Variants in RPL8 observed in about 807,000 individuals in gnomAD.
RPL8 encodes the protein ribosomal protein L8.
For missense variants in RPL8, 248 were observed against 365.9 expected (o/e 0.68, Z 2.63); for synonymous variants, 182 against 143.2 (o/e 1.27, Z -1.94).
chr8:144,791,217 C>G, intron 3 of RPL8, 60 bp downstream of exon 3: 1 of 1,517,450 alleles, frequency 6.6e-7, no homozygotes, highest in Non-Finnish European at 9.1e-7. Flanking sequence ...TGGCTGTCCA[C>G]CGGCACTCAC....
At position 144,791,463 on chromosome 8, in the gene RPL8, C is replaced by A. The variant is rs747506044; in HGVS notation, c.313G>T (p.Gly105Cys). Reference protein sequence around the residue: ...QLNIGNVLPVGTMPEGTIVCC... With the variant: ...QLNIGNVLPVCTMPEGTIVCC... ...ACGATTGTACCCTCAGGCATGGTGC[C>A]CACAGGGAGCACATTGCCAATGTTG... Residue 105 changes from glycine (G) to cysteine (C), a missense_variant, in exon 3 of 5, where the codon GGC (glycine) becomes TGC (cysteine). Coordinates refer to ENST00000528957, the MANE Select transcript of RPL8 (RefSeq NM_001317782.2). 1 of 1,613,860 alleles carries A rather than the reference C, an allele frequency of 6.2e-7. No homozygotes were observed. The highest frequency in any genetic ancestry group is 8.5e-7 in the Non-Finnish European group (1 of 1,180,010).
intron 3 of RPL8, chr8:144,790,927 C>T (rs75885754): frequency 2.2e-6 from 1 of 463,448 alleles, no homozygotes; most frequent in Non-Finnish European, 4.1e-6. Context: ...TTTTCACTCA[C>T]TCAGTAGGCG....
chr8:144,790,081 T>TAGACAACCCCAGTC (rs1826445611), intron 4 of RPL8, 119 bp from the exon 5 acceptor site: 2 of 1,233,022 alleles, frequency 1.6e-6, no homozygotes, highest in African/African-American at 3.0e-5. Context: ...CATGTGCCGC[T>TAGACAACCCCAGTC]AGACAACCCC....
chr8:144,790,298 C>G, intron 4 of RPL8, 57 bp downstream of exon 4: 2 of 1,425,128 alleles, frequency 1.4e-6, no homozygotes, highest in African/African-American at 1.4e-5. Flanking sequence ...ACTTGCCTAC[C>G]CAACAGTGTG....
Position 144,792,324 on chromosome 8 carries a change from G to T in RPL8, c.-195C>A. The T allele has an allele frequency of 1.2e-6, 1 of 847,736 alleles. No homozygotes were observed. The highest frequency in any genetic ancestry group is 1.6e-6 in the Non-Finnish European group (1 of 613,464). The allele number at this position is 847,736 out of a possible 1,614,324, so 52.5% of individuals were successfully genotyped here. ...AGCGCGCCTCACGGAAGAGGATGGC[G>T]GCGGATACTGCCCATGCCGCAAGGC... is the stretch of plus-strand genomic sequence containing the variant. On this transcript the variant is annotated 5_prime_UTR_variant, in exon 1 of 5. Coordinates refer to ENST00000528957, the MANE Select transcript of RPL8 (RefSeq NM_001317782.2).
intron 2 of RPL8, 82 bp from the exon 3 acceptor site, chr8:144,791,577 C>A (rs1452631956): frequency 6.6e-7 from 1 of 1,511,808 alleles, no homozygotes; most frequent in Admixed American, 1.9e-5. Flanking sequence ...CGCGAAGTTG[C>A]GAGCACAGCA....
rs368431305 is a variant in RPL8, at chr8:144,791,266, C to T, written c.499+11G>A. 1.2e-6 allele frequency: 2 copies of T among 1,610,840 alleles called. No individual in the cohort carries two copies. Among genetic ancestry groups the T allele is most frequent in the African/African-American group, 1.3e-5 (1 of 74,858 alleles). ...ACAGCCCTCAGCATTCAACTGCTGCCTGATACTCACCAACCACAGCTCTGT... is the reference window on the plus strand; with the variant it reads ...ACAGCCCTCAGCATTCAACTGCTGCTTGATACTCACCAACCACAGCTCTGT... On this transcript the variant is annotated intron_variant, in intron 3 of 4. Transcript: ENST00000528957.
At position 144,792,310 on chromosome 8, in the gene RPL8, C is replaced by T. The variant is rs180785306; in HGVS notation, c.-181G>A. ...CCGGTCCGGGTCTCAGCGCGCCTCACGGAAGAGGATGGCGGCGGATACTGC... is the reference window on the plus strand; with the variant it reads ...CCGGTCCGGGTCTCAGCGCGCCTCATGGAAGAGGATGGCGGCGGATACTGC... On this transcript the variant is annotated 5_prime_UTR_variant, in exon 1 of 5. The change creates a new upstream start codon in the 5' untranslated region. Coordinates refer to ENST00000528957, the MANE Select transcript of RPL8 (RefSeq NM_001317782.2). 1.8e-4 allele frequency: 175 copies of T among 951,128 alleles called. 3 individuals are homozygous for T. The East Asian group carries it at 4.7e-3, about 25-fold the overall frequency. The allele number at this position is 951,128 out of a possible 1,614,324, so 58.9% of individuals were successfully genotyped here.
Position 144,791,787 on chromosome 8 carries a change from T to C in RPL8, c.266A>G (p.Tyr89Cys). 1 of 1,612,622 alleles carries C rather than the reference T, an allele frequency of 6.2e-7. No homozygotes were observed. Among genetic ancestry groups the C allele is most frequent in the Non-Finnish European group, 8.5e-7 (1 of 1,179,152 alleles). Residue 89 changes from tyrosine (Y) to cysteine (C), a missense_variant, in exon 2 of 5, where the codon TAT becomes TGT. Coordinates refer to ENST00000528957, the MANE Select transcript of RPL8 (RefSeq NM_001317782.2). ...AEGIHTGQFVYCGKKAQLNIG... is the reference protein window; with the variant it reads ...AEGIHTGQFVCCGKKAQLNIG... ...GCGATGCTAACCCTTCTTGCCGCAA[T>C]ACACAAACTGGCCCGTGTGAATGCC... is the stretch of plus-strand genomic sequence containing the variant.
chr8:144,790,498 C>A (rs1319598045), intron 3 of RPL8, 28 bp from the exon 4 acceptor site: 1 of 1,573,946 alleles, frequency 6.4e-7, no homozygotes. Flanking sequence ...CCTCAGGGAA[C>A]CCCCAGTCGG....
Position 144,791,245 on chromosome 8 carries a change from C to T in RPL8, c.499+32G>A, listed in dbSNP as rs185034340. On this transcript the variant is annotated intron_variant, in intron 3 of 4. Transcript: ENST00000528957. ...GCACTCACAGCATGTTCACCCACAG[C>T]CCTCAGCATTCAACTGCTGCCTGAT... is the stretch of plus-strand genomic sequence containing the variant. 2,514 of 1,599,146 alleles carry T rather than the reference C, an allele frequency of 1.6e-3. 3 individuals carry two copies. The highest frequency in any genetic ancestry group is 1.9e-3 in the Non-Finnish European group (2,185 of 1,169,240).
In RPL8 at chr8:144,791,807, A is replaced by C; in HGVS notation, c.246T>G (p.Ile82Met). Reference protein sequence around the residue: ...RTELFIAAEGIHTGQFVYCGK... With the variant: ...RTELFIAAEGMHTGQFVYCGK... ...CGCAATACACAAACTGGCCCGTGTGAATGCCCTCGGCGGCAATGAACAGCT... is the reference window on the plus strand; with the variant it reads ...CGCAATACACAAACTGGCCCGTGTGCATGCCCTCGGCGGCAATGAACAGCT... The change falls in exon 2 of 5, where the codon ATT becomes ATG. Residue 82 changes from isoleucine to methionine, a missense_variant. Ile to Met is a conservative substitution (Grantham distance 10, BLOSUM62 1). Coordinates refer to ENST00000528957, the MANE Select transcript of RPL8 (RefSeq NM_001317782.2). 6.2e-7 allele frequency: 1 copy of C among 1,613,922 alleles called. No homozygotes were observed. Among genetic ancestry groups the C allele is most frequent in the Non-Finnish European group, 8.5e-7 (1 of 1,180,008 alleles).
At position 144,790,526 on chromosome 8, in the gene RPL8, C is replaced by A. The variant is rs541635871; in HGVS notation, c.500-56G>T. On this transcript the variant is annotated intron_variant, in intron 3 of 4. Transcript: ENST00000528957. ...CCAGTCGGTCAGAGCACCCCCACCTCCCCTCAATCTCCTGTCATGCACCTT... is the reference window on the plus strand; with the variant it reads ...CCAGTCGGTCAGAGCACCCCCACCTACCCTCAATCTCCTGTCATGCACCTT... 17 of 1,298,488 alleles carry A rather than the reference C, an allele frequency of 1.3e-5. No individual in the cohort carries two copies. The South Asian group carries it at 1.8e-4, about 14-fold the overall frequency. 80.4% of individuals were successfully genotyped at this position (1,298,488 alleles called of 1,614,324 possible). A position where few individuals can be genotyped will look rare whatever the true frequency, so the allele number is the denominator to read the frequency against.
intron 3 of RPL8, chr8:144,790,792 C>T (rs1166934393): frequency 6.8e-6 from 4 of 590,138 alleles, no homozygotes; most frequent in African/African-American, 1.8e-5. Flanking sequence ...TTCAGCCTGC[C>T]CCATCTCAGC....
Position 144,791,607 on chromosome 8 carries a change from G to A in RPL8, c.281-112C>T. On this transcript the variant is annotated intron_variant, in intron 2 of 4. Transcript: ENST00000528957. ...ACAGCATTCAACATCCAGCCTCCCG[G>A]TACAACTCTCTCGGCACCCACCGGT... 3.4e-6 allele frequency: 5 copies of A among 1,468,722 alleles called. No individual in the cohort carries two copies. The South Asian group carries it at 3.7e-5, about 11-fold the overall frequency. 91.0% of individuals were successfully genotyped at this position (1,468,722 alleles called of 1,614,324 possible). A position where few individuals can be genotyped will look rare whatever the true frequency, so the allele number is the denominator to read the frequency against.
rs200039333 is a variant in RPL8 at position 144,791,975 on chromosome 8, C to T, written c.138+17G>A. ...CCGGGCGTCCCTTCCCCTCCCGCCC[C>T]GGCCAGCGTTCCGCACCTTGACGAT... On this transcript the variant is annotated intron_variant, in intron 1 of 4. Transcript: ENST00000528957. 4.4e-5 allele frequency: 70 copies of T among 1,608,964 alleles called. No individual in the cohort carries two copies. The highest frequency in any genetic ancestry group is 5.4e-5 in the Non-Finnish European group (64 of 1,177,612).
intron 3 of RPL8, 45 bp from the exon 4 acceptor site, chr8:144,790,515 C>T: frequency 7.1e-7 from 1 of 1,414,250 alleles, no homozygotes; most frequent in Non-Finnish European, 1.0e-6. Flanking sequence ...TCGGTCAGAG[C>T]ACCCCCACCT....
chr8:144,790,745 G>T, intron 3 of RPL8: 1 of 649,804 alleles, frequency 1.5e-6, no homozygotes, highest in Non-Finnish European at 2.8e-6. Context: ...TGTGTGAGAC[G>T]TCAGGCCGGC....
chr8:144,791,971 GC>G lies in RPL8; in HGVS notation c.138+20del, dbSNP rs1460308623. On this transcript the variant is annotated intron_variant, in intron 1 of 4. Transcript: ENST00000528957. ...CCGGCCGGGCGTCCCTTCCCCTCCC[GC>G]CCCGGCCAGCGTTCCGCACCTTGAC... 6.2e-7 allele frequency: 1 copy of G among 1,603,354 alleles called. No homozygotes were observed. Among genetic ancestry groups the G allele is most frequent in the Admixed American group, 1.7e-5 (1 of 59,542 alleles).
Sources: gnomAD v4.1 joint callset for allele counts on GRCh38, gnomAD v4.1.1 for gene constraint, MANE v1.5 for transcripts, NCBI Gene and HGNC (gene_info 2026-07-23, HGNC 2026-07-21) for gene names.